DAB1: variants seen among roughly 807,000 people sequenced by gnomAD.
DAB1 encodes disabled homolog 1.
DAB1 carries 15 observed loss-of-function variants against 64.6 expected under a neutral mutation model. The ratio of observed to expected loss-of-function variants is 0.23; its 90% CI spans 0.16 to 0.36. The LOEUF is 0.36. Ranked by LOEUF, DAB1 falls within the 10% of genes least tolerant of loss-of-function variation. The pLI is 1.00. For synonymous variants in DAB1, 235 were observed against 251.9 expected (o/e 0.93, Z 0.64); for missense variants, 596 against 706.7 (o/e 0.84, Z 1.78).
rs539053495 is a variant in DAB1, at chr1:57,650,025, G to A, written n.552-360C>T. Reference sequence around the variant, plus strand: ...TTTTTAATTCATCTGACTTTCTAAAGGGCTTGGGCTCTTGCCTTGAGATCA... The same window carrying A: ...TTTTTAATTCATCTGACTTTCTAAAAGGCTTGGGCTCTTGCCTTGAGATCA... On this transcript the variant is annotated intron_variant and non_coding_transcript_variant, in intron 6 of 20. Coordinates refer to the DAB1 transcript ENST00000485760. 2.0e-5 allele frequency among the ~76,000 whole-genome samples: 3 copies of A among 152,298 alleles called. No homozygotes were observed. The South Asian group carries it at 6.2e-4, about 32-fold the overall frequency.
intron 3 of DAB1, among the ~76,000 whole-genome samples, chr1:58,356,786 C>T (rs1047276216): frequency 1.3e-5 from 2 of 151,874 alleles, no homozygotes; most frequent in African/African-American, 4.8e-5. Context: ...TTTGGGAGGC[C>T]AAGGTGGAAG....
chr1:57,948,843 G>C (rs942103308), intron 5 of DAB1, among the ~76,000 whole-genome samples: 6 of 152,090 alleles, frequency 3.9e-5, no homozygotes, highest in Non-Finnish European at 8.8e-5. Context: ...ATAGAGCCTT[G>C]GGTCTTTGTT....
At chr1:58,132,061 A>G (rs905927850) in intron 5 of DAB1, among the ~76,000 whole-genome samples, 4 of 151,972 alleles carry the variant, frequency 2.6e-5, no homozygotes, top group Non-Finnish European at 4.4e-5. Context: ...CCCAGCCTCA[A>G]TGCCGCCTTG....
At chr1:57,960,729 C>A (rs910834938) in intron 5 of DAB1, among the ~76,000 whole-genome samples, 3 of 152,206 alleles carry the variant, frequency 2.0e-5, no homozygotes, top group Admixed American at 6.5e-5. Context: ...CTAGTTCTAG[C>A]CAAGCTCTGC....
intron 6 of DAB1, among the ~76,000 whole-genome samples, chr1:57,654,247 C>T (rs993754752): frequency 6.6e-6 from 1 of 152,044 alleles, no homozygotes; most frequent in Non-Finnish European, 1.5e-5. Flanking sequence ...GAGAGTAAAA[C>T]ACCTAGTATG....
intron 3 of DAB1, among the ~76,000 whole-genome samples, chr1:58,386,919 G>A (rs1414961296): frequency 6.6e-6 from 1 of 152,114 alleles, no homozygotes; most frequent in African/African-American, 2.4e-5. Flanking sequence ...AATTAGCTGG[G>A]CATGGTGGCA....
chr1:57,452,166 C>CTTTT (rs78592207), intron 7 of DAB1, among the ~76,000 whole-genome samples: 17 of 75,010 alleles, frequency 2.3e-4, no homozygotes, highest in South Asian at 6.7e-4. Context: ...TGCACCCCCC[C>CTTTT]TTTTTTTTTT....
chr1:57,133,061 T>C (rs949230868), intron 4 of DAB1, among the ~76,000 whole-genome samples: 3 of 152,160 alleles, frequency 2.0e-5, no homozygotes, highest in Non-Finnish European at 1.5e-5. Flanking sequence ...CAAATGGTGA[T>C]AATAATAGCA....
intron 11 of DAB1, 38 bp from the exon 12 acceptor site, chr1:57,015,469 G>T (rs1299671928): frequency 1.3e-6 from 2 of 1,553,976 alleles, no homozygotes; most frequent in Admixed American, 3.7e-5. Flanking sequence ...TGTTTCCCTG[G>T]TGTCCTGGGA....
intron 7 of DAB1, among the ~76,000 whole-genome samples, chr1:57,475,959 T>A (rs1362114217): frequency 1.3e-5 from 2 of 152,290 alleles, no homozygotes; most frequent in East Asian, 3.9e-4. Context: ...GTGCAGTGGC[T>A]CACCCCTGTT....
chr1:58,212,993 T>C (rs571151737), intron 4 of DAB1, among the ~76,000 whole-genome samples: 46 of 152,302 alleles, frequency 3.0e-4, no homozygotes, highest in African/African-American at 1.1e-3. Context: ...AGAGCCCATT[T>C]AAAAAGCTAA....
At chr1:58,189,794 G>T (rs1657287383) in intron 4 of DAB1, among the ~76,000 whole-genome samples, 1 of 152,214 alleles carries the variant, frequency 6.6e-6, no homozygotes, top group Non-Finnish European at 1.5e-5. Context: ...TAACCCATGG[G>T]AATGGGAGAT....
chr1:57,782,751 G>A (rs982262297), intron 6 of DAB1, among the ~76,000 whole-genome samples: 1 of 152,144 alleles, frequency 6.6e-6, no homozygotes, highest in South Asian at 2.1e-4. Context: ...AATGCCTAAT[G>A]TCACATTGTC....
intron 7 of DAB1, among the ~76,000 whole-genome samples, chr1:57,446,499 G>T (rs1686142865): frequency 6.6e-6 from 1 of 151,720 alleles, no homozygotes; most frequent in Admixed American, 6.6e-5. Context: ...TGGGAAGGCT[G>T]AGGCGGGAGA....
chr1:58,280,717 G>A (rs1473127543), intron 4 of DAB1, among the ~76,000 whole-genome samples: 3 of 152,216 alleles, frequency 2.0e-5, no homozygotes, highest in Non-Finnish European at 4.4e-5. Flanking sequence ...TAAAGAAGGA[G>A]GAGGAGGAGG....
intron 1 of DAB1, chr1:58,542,611 G>A (rs1392473471): frequency 6.6e-6 from 1 of 152,172 alleles, no homozygotes; most frequent in Non-Finnish European, 1.5e-5. Context: ...AAATGGGAAA[G>A]TGTTTTAAGG....
chr1:57,852,168 T>G (rs916462105), intron 1 of DAB1, among the ~76,000 whole-genome samples: 3 of 152,276 alleles, frequency 2.0e-5, no homozygotes, highest in South Asian at 2.1e-4. Flanking sequence ...CCTAACCTTT[T>G]CCCTTTTCCC....
intron 2 of DAB1, among the ~76,000 whole-genome samples, chr1:57,229,604 C>T (rs543519156): frequency 6.8e-4 from 104 of 152,178 alleles, no homozygotes; most frequent in African/African-American, 2.4e-3. Context: ...GTATTATTCT[C>T]TATAATCATC....
chr1:57,942,939 A>T lies in DAB1; in HGVS notation n.388-58777T>A, dbSNP rs149241958. ...TTATGGCCTATTAATTAATTAATTC[A>T]TTCATTATTTACTGTCAACATTTAC... On this transcript the variant is annotated intron_variant and non_coding_transcript_variant, in intron 5 of 20. Coordinates refer to the DAB1 transcript ENST00000485760. 1.6e-4 allele frequency among the ~76,000 whole-genome samples: 25 copies of T among 152,316 alleles called. No homozygotes were observed. The Middle Eastern group carries it at 0.01, about 62-fold the overall frequency.
Sources: allele counts gnomAD v4.1 joint callset (sites outside exome capture counted in the v4.1 genomes callset), GRCh38; gene constraint gnomAD v4.1.1; transcripts MANE v1.5; gene names NCBI Gene and HGNC (gene_info 2026-07-23, HGNC 2026-07-21).